The following CTNNA3 variants were observed in gnomAD, a reference collection of about 807,000 sequenced individuals.
The protein encoded by CTNNA3 is catenin alpha 3, also known as catenin alpha-3.
A neutral mutation model predicts 95.7 loss-of-function variants in CTNNA3; 76 were observed. That is an observed-to-expected ratio of 0.79 (90% CI 0.66 to 0.96). The LOEUF (loss-of-function observed/expected upper bound fraction) is 0.96. Among genes scored for constraint, CTNNA3 ranks in the 40% least tolerant of loss-of-function variants. CTNNA3 has a pLI of 0.00. For missense variants in CTNNA3, 1,191 were observed against 1,089.8 expected, an observed-to-expected ratio of 1.09 and a Z score of -1.31; for synonymous variants, 431 against 374.4, an observed-to-expected ratio of 1.15 and a Z score of -1.74.
intron 15 of CTNNA3, among the ~76,000 whole-genome samples, chr10:66,035,890 C>T (rs2079553611): frequency 6.6e-6 from 1 of 151,998 alleles, no homozygotes; most frequent in South Asian, 2.1e-4. Flanking sequence ...CAGAAGTTTT[C>T]TAAGGAGAAA....
chr10:66,625,148 A>G (rs749721977), intron 9 of CTNNA3, among the ~76,000 whole-genome samples: 4 of 152,176 alleles, frequency 2.6e-5, no homozygotes, highest in Non-Finnish European at 5.9e-5. Flanking sequence ...GTGTCTTGTT[A>G]TGAGAGGAGA....
chr10:66,719,599 A>G (rs1470618486), intron 9 of CTNNA3, among the ~76,000 whole-genome samples: 3 of 151,898 alleles, frequency 2.0e-5, no homozygotes, highest in Non-Finnish European at 4.4e-5. Context: ...CTATGACCAG[A>G]AGTATTGCAG....
chr10:66,554,607 C>T (rs1441601461), intron 10 of CTNNA3, among the ~76,000 whole-genome samples: 1 of 152,056 alleles, frequency 6.6e-6, no homozygotes, highest in Non-Finnish European at 1.5e-5. Flanking sequence ...CCTCTGTTTA[C>T]CTGTATATAA....
At chr10:67,497,634 G>A (rs559713374) in intron 5 of CTNNA3, among the ~76,000 whole-genome samples, 47 of 152,276 alleles carry the variant, frequency 3.1e-4, no homozygotes, top group African/African-American at 9.1e-4. Context: ...TCTAACTGGC[G>A]TGAGATGGTA....
At chr10:66,791,005 C>T (rs1840945764) in intron 7 of CTNNA3, among the ~76,000 whole-genome samples, 1 of 152,146 alleles carries the variant, frequency 6.6e-6, no homozygotes, top group African/African-American at 2.4e-5. Flanking sequence ...AAATTAATCT[C>T]ATTATTCCCT....
At chr10:67,665,734 G>T (rs1357996820) in intron 1 of CTNNA3, 1 of 152,092 alleles carries the variant, frequency 6.6e-6, no homozygotes, top group African/African-American at 2.4e-5. Context: ...AGCAAGAAGG[G>T]GGGATGGGTG....
chr10:66,116,390 A>G (rs2082341936), intron 13 of CTNNA3, among the ~76,000 whole-genome samples: 1 of 152,206 alleles, frequency 6.6e-6, no homozygotes, highest in African/African-American at 2.4e-5. Flanking sequence ...TATTTACCAA[A>G]GAGGAATAGA....
intron 7 of CTNNA3, among the ~76,000 whole-genome samples, chr10:67,082,027 T>A (rs912027465): frequency 2.6e-5 from 4 of 152,132 alleles, no homozygotes; most frequent in Non-Finnish European, 5.9e-5. Context: ...AAAATAGGAG[T>A]ACCTAGGCTA....
chr10:66,583,289 T>A (rs1843251633), intron 10 of CTNNA3, among the ~76,000 whole-genome samples: 1 of 104,616 alleles, frequency 9.6e-6, no homozygotes, highest in Non-Finnish European at 2.0e-5. Flanking sequence ...TTGTTTGCAG[T>A]GTTTTGGTTT....
intron 12 of CTNNA3, among the ~76,000 whole-genome samples, chr10:66,301,230 T>G (rs1018925240): frequency 6.6e-6 from 1 of 152,156 alleles, no homozygotes; most frequent in East Asian, 1.9e-4. Flanking sequence ...ACTCACTGGT[T>G]AATTCTACCA....
At chr10:66,782,322 T>C (rs1840568889) in intron 7 of CTNNA3, among the ~76,000 whole-genome samples, 1 of 152,142 alleles carries the variant, frequency 6.6e-6, no homozygotes, top group Non-Finnish European at 1.5e-5. Flanking sequence ...ACACTTGGGT[T>C]TCTTGAACTA....
At chr10:67,390,746 T>A (rs976319684) in intron 5 of CTNNA3, among the ~76,000 whole-genome samples, 5 of 150,158 alleles carry the variant, frequency 3.3e-5, no homozygotes, top group African/African-American at 1.2e-4. Flanking sequence ...CAAGGCTGGT[T>A]CAATATATGC....
chr10:67,220,269 G>A lies in CTNNA3; in HGVS notation c.580-399C>T, dbSNP rs150035315. On this transcript the variant is annotated intron_variant, in intron 5 of 17. Coordinates refer to ENST00000433211, the MANE Select transcript of CTNNA3 (RefSeq NM_013266.4). ...GTTGATAATTGCATTTAACCTCTCC[G>A]TTAAAATTAGACCAATTGAGTTAAG... 1.7e-3 allele frequency among the ~76,000 whole-genome samples: 252 copies of A among 152,204 alleles called. 1 individual carries two copies. The highest frequency in any genetic ancestry group is 2.3e-3 in the Non-Finnish European group (159 of 68,018).
intron 11 of CTNNA3, among the ~76,000 whole-genome samples, chr10:66,504,882 T>TAAACA (rs1176833432): frequency 3.9e-5 from 6 of 152,190 alleles, no homozygotes; most frequent in Non-Finnish European, 7.3e-5. Flanking sequence ...AAATTGTTTA[T>TAAACA]AAACAGTATA....
At chr10:66,680,173 TTTG>T (rs140597538) in intron 9 of CTNNA3, among the ~76,000 whole-genome samples, 81,534 of 150,394 alleles carry the variant, frequency 0.54, 22,793 homozygotes, top group African/African-American at 0.68. Flanking sequence ...AATGTTTTTT[TTTG>T]TTTGTTTTTT....
intron 7 of CTNNA3, among the ~76,000 whole-genome samples, chr10:66,865,278 G>C (rs1324291334): frequency 2.6e-5 from 4 of 151,458 alleles, no homozygotes; most frequent in Non-Finnish European, 5.9e-5. Flanking sequence ...TTTTACTCCA[G>C]GCAAATTTTC....
chr10:67,725,179 CTTT>C (rs578185088), intron 1 of CTNNA3, among the ~76,000 whole-genome samples: 2 of 143,356 alleles, frequency 1.4e-5, no homozygotes, highest in Non-Finnish European at 3.1e-5. Flanking sequence ...ATTAATTTAC[CTTT>C]TTTTTTTTTT....
At chr10:67,496,974 G>A (rs1052709777) in intron 5 of CTNNA3, among the ~76,000 whole-genome samples, 41 of 151,990 alleles carry the variant, frequency 2.7e-4, no homozygotes, top group African/African-American at 8.7e-4. Context: ...GGATATATGT[G>A]CAGAAAGTGC....
At chr10:66,266,984 A>G (rs2091173829) in intron 13 of CTNNA3, among the ~76,000 whole-genome samples, 2 of 151,942 alleles carry the variant, frequency 1.3e-5, no homozygotes, top group Non-Finnish European at 1.5e-5. Context: ...ATATTGTAAG[A>G]GATTGTTTGT....
Sources: gnomAD v4.1 joint callset for allele counts (sites outside exome capture counted in the v4.1 genomes callset) on GRCh38, gnomAD v4.1.1 for gene constraint, MANE v1.5 for transcripts, NCBI Gene and HGNC (gene_info 2026-07-23, HGNC 2026-07-21) for gene names.